RSBN1L: variants seen among roughly 807,000 people sequenced by gnomAD.
The protein encoded by RSBN1L is round spermatid basic protein 1 like.
A neutral mutation model predicts 67.7 loss-of-function variants in RSBN1L; 30 were observed. The ratio of observed to expected loss-of-function variants is 0.44; its 90% CI spans 0.33 to 0.60. RSBN1L has a LOEUF of 0.60. Among genes scored for constraint, RSBN1L ranks in the 20% least tolerant of loss-of-function variants. RSBN1L has a pLI of 0.02. For missense variants in RSBN1L, 992 were observed against 1,031.7 expected, an observed-to-expected ratio of 0.96 and a Z score of 0.53; for synonymous variants, 433 against 387.0, an observed-to-expected ratio of 1.12 and a Z score of -1.39.
intron 1 of RSBN1L, among the ~76,000 whole-genome samples, chr7:77,728,974 A>T (rs1247645362): frequency 1.3e-5 from 2 of 152,108 alleles, no homozygotes; most frequent in African/African-American, 4.8e-5. Flanking sequence ...GTGAAGCCAG[A>T]TGGCTTCTGC....
chr7:77,717,595 T>A (rs1416021121), intron 1 of RSBN1L, among the ~76,000 whole-genome samples: 1 of 152,124 alleles, frequency 6.6e-6, no homozygotes, highest in Non-Finnish European at 1.5e-5. Context: ...AATGGCAAAA[T>A]CGATAAATAC....
chr7:77,765,432 A>C, intron 3 of RSBN1L, 63 bp from the exon 4 acceptor site: 1 of 1,278,158 alleles, frequency 7.8e-7, no homozygotes, highest in African/African-American at 1.5e-5. Flanking sequence ...ACTTTTAATT[A>C]AATCCATATT....
At chr7:77,734,017 C>T (rs1791301725) in intron 1 of RSBN1L, among the ~76,000 whole-genome samples, 1 of 152,170 alleles carries the variant, frequency 6.6e-6, no homozygotes, top group Non-Finnish European at 1.5e-5. Context: ...ATCCCATTTA[C>T]TTGGTGGCTG....
intron 2 of RSBN1L, among the ~76,000 whole-genome samples, chr7:77,747,933 T>G (rs1791506728): frequency 6.6e-6 from 1 of 151,928 alleles, no homozygotes; most frequent in Non-Finnish European, 1.5e-5. Context: ...CAGGAAACTT[T>G]CAGTCACATC....
At position 77,703,405 on chromosome 7, in the gene RSBN1L, G is replaced by A. The variant is rs190836501; in HGVS notation, c.586+6350G>A. Among the ~76,000 whole-genome samples, 192 of 148,866 alleles carry A rather than the reference G, an allele frequency of 1.3e-3. 4 individuals are homozygous for A. The highest frequency in any genetic ancestry group is 0.013 in the Admixed American group (191 of 14,844). ...TTTGTCTTTATACATTGTATTTCAG[G>A]TAATAGTTACAGTATCTCCTAGTTA... is the stretch of plus-strand genomic sequence containing the variant. On this transcript the variant is annotated intron_variant, in intron 1 of 7. Transcript: ENST00000334955.
At chr7:77,730,003 G>A (rs552351382) in intron 1 of RSBN1L, among the ~76,000 whole-genome samples, 3 of 152,282 alleles carry the variant, frequency 2.0e-5, no homozygotes, top group Non-Finnish European at 2.9e-5. Flanking sequence ...TAATCTTTAT[G>A]TGTGGGCTAA....
rs370528636 is a variant in RSBN1L, at chr7:77,729,017, ATTTATTT to A, written c.587-7388_587-7382del. 6.5e-3 allele frequency among the ~76,000 whole-genome samples: 990 copies of A among 152,062 alleles called. 14 individuals carry two copies. The highest frequency in any genetic ancestry group is 0.022 in the African/African-American group (924 of 41,464). On this transcript the variant is annotated intron_variant, in intron 1 of 7. Coordinates refer to ENST00000334955, the MANE Select transcript of RSBN1L (RefSeq NM_198467.3). ...TTTGATGATGCCACTGTCCTTATTT[ATTTATTT>A]TTTAACATATTGAAAATATTTTGCT...
At chr7:77,724,648 A>T (rs1257933266) in intron 1 of RSBN1L, among the ~76,000 whole-genome samples, 1 of 150,880 alleles carries the variant, frequency 6.6e-6, no homozygotes, top group African/African-American at 2.4e-5. Flanking sequence ...CTGGTCTCGA[A>T]CTCCCGACTT....
At chr7:77,727,713 G>T (rs1002909587) in intron 1 of RSBN1L, among the ~76,000 whole-genome samples, 2 of 151,338 alleles carry the variant, frequency 1.3e-5, no homozygotes, top group African/African-American at 4.9e-5. Context: ...TACACCTCGT[G>T]CCTGAGCCTC....
chr7:77,760,245 A>G (rs1489469379), intron 3 of RSBN1L, among the ~76,000 whole-genome samples: 4 of 152,170 alleles, frequency 2.6e-5, no homozygotes, highest in Non-Finnish European at 5.9e-5. Context: ...AGTTTAAACA[A>G]TTATTTCATT....
In RSBN1L at chr7:77,699,818, C is replaced by T. The variant is rs981238516; in HGVS notation, c.586+2763C>T. 5.0e-5 allele frequency among the ~76,000 whole-genome samples: 7 copies of T among 141,276 alleles called. No homozygotes were observed. The Admixed American group carries it at 5.1e-4, about 10-fold the overall frequency. The allele number at this position is 141,276 out of a possible 152,430, so 92.7% of individuals were successfully genotyped here. ...TAGATTTTTTTTTTTTTTTTGGAAA[C>T]AGAGTCTCGCTCTTGTTGGCCAGGT... On this transcript the variant is annotated intron_variant, in intron 1 of 7. Coordinates refer to ENST00000334955, the MANE Select transcript of RSBN1L (RefSeq NM_198467.3).
intron 1 of RSBN1L, among the ~76,000 whole-genome samples, chr7:77,710,758 G>C (rs146735360): frequency 0.019 from 2,811 of 151,942 alleles, 39 homozygotes; most frequent in Middle Eastern, 0.071. Flanking sequence ...ATCATGCCTG[G>C]CTAATTTTTG....
chr7:77,746,328 A>G (rs576883545), intron 2 of RSBN1L, among the ~76,000 whole-genome samples: 2 of 152,282 alleles, frequency 1.3e-5, no homozygotes, highest in African/African-American at 2.4e-5. Context: ...CACGCCGTAC[A>G]TGGCCAGAGC....
intron 1 of RSBN1L, among the ~76,000 whole-genome samples, chr7:77,732,614 G>A (rs923615852): frequency 3.3e-5 from 5 of 152,116 alleles, no homozygotes; most frequent in Non-Finnish European, 7.3e-5. Context: ...GATTACAGGC[G>A]TGAGCCACCA....
At chr7:77,772,751 A>C (rs562519320) in intron 5 of RSBN1L, among the ~76,000 whole-genome samples, 5 of 152,328 alleles carry the variant, frequency 3.3e-5, no homozygotes, top group African/African-American at 1.2e-4. Flanking sequence ...CCTAGCACAT[A>C]GTATGTGTCC....
At chr7:77,750,777 G>A (rs532797116) in intron 3 of RSBN1L, among the ~76,000 whole-genome samples, 2 of 152,128 alleles carry the variant, frequency 1.3e-5, no homozygotes, top group East Asian at 1.9e-4. Flanking sequence ...TTCTAGGAAC[G>A]GTTTTTGGTT....
At chr7:77,738,706 G>A (rs985271833) in intron 2 of RSBN1L, among the ~76,000 whole-genome samples, 2 of 152,136 alleles carry the variant, frequency 1.3e-5, no homozygotes, top group Non-Finnish European at 2.9e-5. Context: ...CCAGCATTTT[G>A]GGAGGCCGAG....
chr7:77,779,606 G>A lies in RSBN1L; in HGVS notation c.*438G>A, dbSNP rs1359225352. On this transcript the variant is annotated 3_prime_UTR_variant, in exon 8 of 8. Transcript: ENST00000334955. ...TAGCTTTTAAATATCTTTTTAGTGT[G>A]ATTTATACTGAAATGTGAGCCACTT... is the stretch of plus-strand genomic sequence containing the variant. The A allele has an allele frequency of 6.6e-6, 1 of 151,436 alleles. No homozygotes were observed. Among genetic ancestry groups the A allele is most frequent in the Non-Finnish European group, 1.5e-5 (1 of 67,760 alleles). 9.4% of individuals were successfully genotyped at this position (151,436 alleles called of 1,614,324 possible).
intron 1 of RSBN1L, among the ~76,000 whole-genome samples, chr7:77,723,766 T>G (rs1467342520): frequency 6.6e-6 from 1 of 151,952 alleles, no homozygotes. Context: ...AAACCCAGTA[T>G]CTACTAAAAA....
Sources: allele counts gnomAD v4.1 joint callset (sites outside exome capture counted in the v4.1 genomes callset), GRCh38; gene constraint gnomAD v4.1.1; transcripts MANE v1.5; gene names NCBI Gene and HGNC (gene_info 2026-07-23, HGNC 2026-07-21).